ATP8A2: variants seen among roughly 807,000 people sequenced by gnomAD.
ATP8A2 encodes the protein phospholipid-transporting ATPase IB.
In ATP8A2, 100 loss-of-function variants were observed where a neutral mutation model predicts 165.6. The observed-to-expected ratio is 0.60, with a 90% CI of 0.51 to 0.71. The LOEUF (loss-of-function observed/expected upper bound fraction) is 0.71. ATP8A2 is among the 30% of genes least tolerant of loss of function. The pLI is 0.00. For missense variants in ATP8A2, 1,227 were observed against 1,479.5 expected, an observed-to-expected ratio of 0.83 and a Z score of 2.80; for synonymous variants, 543 against 548.8, an observed-to-expected ratio of 0.99 and a Z score of 0.15.
At chr13:25,620,875 C>A (rs2040950458) in intron 24 of ATP8A2, among the ~76,000 whole-genome samples, 2 of 152,140 alleles carry the variant, frequency 1.3e-5, no homozygotes, top group Admixed American at 1.3e-4. Flanking sequence ...CATTTCACTG[C>A]TTTTTAGTAA....
chr13:25,564,179 A>G, intron 16 of ATP8A2, 148 bp downstream of exon 16: 1 of 642,384 alleles, frequency 1.6e-6, no homozygotes, highest in Non-Finnish European at 2.8e-6. Context: ...AAGTGATCTT[A>G]GACAAATGCT....
At chr13:25,823,765 T>C (rs559644797) in intron 27 of ATP8A2, among the ~76,000 whole-genome samples, 1 of 152,202 alleles carries the variant, frequency 6.6e-6, no homozygotes, top group Non-Finnish European at 1.5e-5. Flanking sequence ...TTTCCTAGGA[T>C]GAAGGATCCC....
chr13:25,994,597 G>A (rs960110770), intron 35 of ATP8A2, among the ~76,000 whole-genome samples: 4 of 151,980 alleles, frequency 2.6e-5, no homozygotes, highest in Admixed American at 2.6e-4. Context: ...CTCATGAATG[G>A]GTGTTGAATT....
intron 10 of ATP8A2, among the ~76,000 whole-genome samples, chr13:25,546,900 C>T (rs1218510259): frequency 6.6e-6 from 1 of 151,992 alleles, no homozygotes; most frequent in African/African-American, 2.4e-5. Flanking sequence ...GAGGCTGAGG[C>T]GGGTGGATCA....
At chr13:25,796,722 A>G (rs767355990) in intron 27 of ATP8A2, among the ~76,000 whole-genome samples, 5 of 152,262 alleles carry the variant, frequency 3.3e-5, no homozygotes, top group Admixed American at 6.5e-5. Context: ...AAGATTTTAA[A>G]GGAGAGATCT....
chr13:25,902,049 T>C (rs1295574411), intron 33 of ATP8A2, among the ~76,000 whole-genome samples: 1 of 152,186 alleles, frequency 6.6e-6, no homozygotes, highest in Non-Finnish European at 1.5e-5. Context: ...CTCATAGTTA[T>C]AGAAAAGGAT....
At chr13:25,871,869 G>A (rs1484712058) in intron 33 of ATP8A2, among the ~76,000 whole-genome samples, 4 of 152,164 alleles carry the variant, frequency 2.6e-5, no homozygotes, top group Non-Finnish European at 5.9e-5. Flanking sequence ...TTTAGTGACT[G>A]AAACCTGATT....
At chr13:25,726,579 A>T (rs2043498429) in intron 25 of ATP8A2, among the ~76,000 whole-genome samples, 1 of 151,860 alleles carries the variant, frequency 6.6e-6, no homozygotes, top group Non-Finnish European at 1.5e-5. Flanking sequence ...CTGTTGTCAC[A>T]TTGCTTTCTC....
chr13:25,480,908 C>T (rs951546735), intron 2 of ATP8A2, among the ~76,000 whole-genome samples: 1 of 152,160 alleles, frequency 6.6e-6, no homozygotes, highest in African/African-American at 2.4e-5. Flanking sequence ...AATCCTGGCA[C>T]CTCCGGAGGC....
intron 24 of ATP8A2, among the ~76,000 whole-genome samples, chr13:25,613,544 AGCCT>A: frequency 6.6e-6 from 1 of 152,208 alleles, no homozygotes; most frequent in East Asian, 1.9e-4. Context: ...ACTGCACTCC[AGCCT>A]GGAGACAGAG....
At chr13:25,971,484 G>C (rs1281451023) in intron 35 of ATP8A2, among the ~76,000 whole-genome samples, 2 of 151,872 alleles carry the variant, frequency 1.3e-5, no homozygotes, top group Non-Finnish European at 2.9e-5. Flanking sequence ...ACCCCTCCCT[G>C]TTCCTTCTTT....
At chr13:25,470,892 A>G (rs2035824479) in intron 2 of ATP8A2, among the ~76,000 whole-genome samples, 1 of 152,216 alleles carries the variant, frequency 6.6e-6, no homozygotes, top group Non-Finnish European at 1.5e-5. Flanking sequence ...TTCCATTTAT[A>G]TGAAGTATCC....
chr13:25,511,134 T>G (rs973822459), intron 2 of ATP8A2, among the ~76,000 whole-genome samples: 3 of 152,246 alleles, frequency 2.0e-5, no homozygotes, highest in African/African-American at 7.2e-5. Flanking sequence ...AGATTTCAGT[T>G]AATTACCTCA....
At chr13:25,697,268 T>TTTGTTGTTG (rs34413425) in intron 24 of ATP8A2, among the ~76,000 whole-genome samples, 2 of 150,886 alleles carry the variant, frequency 1.3e-5, no homozygotes, top group Non-Finnish European at 3.0e-5. Flanking sequence ...GGAAAATTCT[T>TTTGTTGTTG]TTGTTGTTGT....
At chr13:25,970,675 C>T (rs550016703) in intron 35 of ATP8A2, among the ~76,000 whole-genome samples, 3 of 152,260 alleles carry the variant, frequency 2.0e-5, no homozygotes, top group African/African-American at 4.8e-5. Context: ...ATATGTACAA[C>T]GCAGCATATT....
chr13:25,731,238 GAGAGAGGA>G (rs1477235315), intron 25 of ATP8A2, among the ~76,000 whole-genome samples: 2 of 147,906 alleles, frequency 1.4e-5, no homozygotes, highest in African/African-American at 5.0e-5. Context: ...AGGAAAGAGA[GAGAGAGGA>G]AGGAAGGAAG....
At chr13:25,964,987 C>G (rs918194447) in intron 34 of ATP8A2, among the ~76,000 whole-genome samples, 1 of 152,134 alleles carries the variant, frequency 6.6e-6, no homozygotes, top group Non-Finnish European at 1.5e-5. Context: ...TGGTGAAACC[C>G]TGTCTCTACA....
At chr13:25,458,032 G>T (rs1764649) in intron 1 of ATP8A2, among the ~76,000 whole-genome samples, 6 of 152,166 alleles carry the variant, frequency 3.9e-5, no homozygotes, top group African/African-American at 1.4e-4. Flanking sequence ...AGGATAATTG[G>T]CATGAGAAAC....
At chr13:25,641,690 A>G (rs1335754900) in intron 24 of ATP8A2, among the ~76,000 whole-genome samples, 1 of 152,088 alleles carries the variant, frequency 6.6e-6, no homozygotes, top group East Asian at 1.9e-4. Context: ...AAGGTAATTT[A>G]TAGATTCAAT....
Sources: allele counts gnomAD v4.1 joint callset (sites outside exome capture counted in the v4.1 genomes callset), GRCh38; gene constraint gnomAD v4.1.1; transcripts MANE v1.5; gene names NCBI Gene and HGNC (gene_info 2026-07-23, HGNC 2026-07-21).